The following FBN1 variants were observed in gnomAD, a reference collection of about 807,000 sequenced individuals.
FBN1 encodes the protein fibrillin-1.
A neutral mutation model predicts 365.1 loss-of-function variants in FBN1; 29 were observed. The observed-to-expected ratio is 0.08, with a 90% CI of 0.06 to 0.11. FBN1 has a LOEUF of 0.11. Among genes scored for constraint, FBN1 ranks in the 10% least tolerant of loss-of-function variants. The pLI is 1.00. For synonymous variants in FBN1, 1,210 were observed against 1,270.5 expected (o/e 0.95, Z 1.01); for missense variants, 2,476 against 3,703.2 (o/e 0.67, Z 8.60).
intron 13 of FBN1, among the ~76,000 whole-genome samples, chr15:48,510,699 T>C (rs2043752224): frequency 6.6e-6 from 1 of 152,178 alleles, no homozygotes; most frequent in Non-Finnish European, 1.5e-5. Context: ...TTCTTAGTCT[T>C]TTAAAAAACA....
At chr15:48,580,313 A>G (rs1048886814) in intron 6 of FBN1, among the ~76,000 whole-genome samples, 1 of 152,194 alleles carries the variant, frequency 6.6e-6, no homozygotes, top group Admixed American at 6.5e-5. Context: ...TCCTAGCACT[A>G]TGAAACACGT....
At chr15:48,437,463 G>A (rs1361083300) in intron 51 of FBN1, 76 bp from the exon 52 acceptor site, 1 of 1,272,874 alleles carries the variant, frequency 7.9e-7, no homozygotes, top group Admixed American at 1.7e-5. Context: ...TTTTGAGGTA[G>A]AAAATTGCTA....
intron 10 of FBN1, among the ~76,000 whole-genome samples, chr15:48,518,120 G>A (rs914357302): frequency 5.9e-5 from 9 of 152,144 alleles, no homozygotes; most frequent in Non-Finnish European, 8.8e-5. Flanking sequence ...AGATACTGAC[G>A]TACTTGAATG....
At chr15:48,629,821 C>T (rs1348265941) in intron 2 of FBN1, among the ~76,000 whole-genome samples, 1 of 152,216 alleles carries the variant, frequency 6.6e-6, no homozygotes, top group African/African-American at 2.4e-5. Flanking sequence ...CCTAGTCCAT[C>T]CTGATATCCA....
At chr15:48,590,419 C>T (rs530786557) in intron 6 of FBN1, among the ~76,000 whole-genome samples, 16 of 152,326 alleles carry the variant, frequency 1.1e-4, no homozygotes, top group African/African-American at 3.8e-4. Context: ...AGTATAGATG[C>T]TGCCTTTTTG....
intron 8 of FBN1, among the ~76,000 whole-genome samples, chr15:48,531,725 C>T (rs919790133): frequency 1.3e-5 from 2 of 152,118 alleles, no homozygotes; most frequent in South Asian, 2.1e-4. Flanking sequence ...AAAGTGAACC[C>T]GGCTTGCCAA....
intron 14 of FBN1, 119 bp downstream of exon 14, chr15:48,509,924 TA>T: frequency 9.1e-7 from 1 of 1,094,142 alleles, no homozygotes; most frequent in Middle Eastern, 2.1e-4. Context: ...CCTTTTGAGA[TA>T]AAATATATAA....
At position 48,502,019 on chromosome 15, in the gene FBN1, T is replaced by C. The variant is rs118190358; in HGVS notation, c.2113+1768A>G. The stretch of plus-strand genomic sequence containing the variant: ...AGCAGTTTTTTTCTTTAAATAGGCA[T>C]CCCTCATTTCCTTTTTCTTTCTTTA... On this transcript the variant is annotated intron_variant, in intron 17 of 65. Coordinates refer to ENST00000316623, the MANE Select transcript of FBN1 (RefSeq NM_000138.5). 3.8e-3 allele frequency among the ~76,000 whole-genome samples: 575 copies of C among 152,146 alleles called. 1 individual carries two copies. Among genetic ancestry groups the C allele is most frequent in the Non-Finnish European group, 6.3e-3 (431 of 67,988 alleles).
At chr15:48,577,921 G>A (rs2044361479) in intron 6 of FBN1, among the ~76,000 whole-genome samples, 1 of 152,072 alleles carries the variant, frequency 6.6e-6, no homozygotes, top group Non-Finnish European at 1.5e-5. Context: ...GTCTTCAGCT[G>A]GCACCACATG....
chr15:48,510,306 T>A lies in FBN1; in HGVS notation c.1589-137A>T, dbSNP rs1052159237. 9.8e-6 allele frequency: 8 copies of A among 816,426 alleles called. No homozygotes were observed. The African/African-American group carries it at 1.4e-4, about 14-fold the overall frequency. 50.6% of individuals were successfully genotyped at this position (816,426 alleles called of 1,614,324 possible). On this transcript the variant is annotated intron_variant, in intron 13 of 65. Coordinates refer to ENST00000316623, the MANE Select transcript of FBN1 (RefSeq NM_000138.5). ...ACTTAATAATATTCTCCAACATAAA[T>A]TGGTTATCAAATAATGTGATATTTA... is the stretch of plus-strand genomic sequence containing the variant.
chr15:48,549,691 A>G (rs532116501), intron 6 of FBN1, among the ~76,000 whole-genome samples: 1 of 152,310 alleles, frequency 6.6e-6, no homozygotes, highest in Admixed American at 6.5e-5. Context: ...CAGAAAAGGT[A>G]ATAATCCCCT....
chr15:48,468,054 T>C lies in FBN1; in HGVS notation c.4631A>G (p.Asn1544Ser), dbSNP rs755735706. ...CYLDIRPRGD[N>S]GDTACSNEIG... ...TTCATTGCTGCAGGCTGTATCTCCA[T>C]TGTCTCCTCGAGGTCGAATATCCAA... The change falls in exon 38 of 66, where the codon AAT (asparagine) becomes AGT (serine). Residue 1544 changes from asparagine to serine, a missense_variant. Transcript: ENST00000316623. The C allele has an allele frequency of 1.9e-6, 3 of 1,614,190 alleles. No individual in the cohort carries two copies. The highest frequency in any genetic ancestry group is 3.3e-5 in the Admixed American group (2 of 60,028).
intron 2 of FBN1, among the ~76,000 whole-genome samples, chr15:48,616,939 A>T (rs1170117815): frequency 6.6e-6 from 1 of 152,212 alleles, no homozygotes; most frequent in East Asian, 1.9e-4. Context: ...AAGAAGGTCA[A>T]ACAACCTGGC....
chr15:48,580,102 A>G (rs1014536992), intron 6 of FBN1, among the ~76,000 whole-genome samples: 4 of 151,708 alleles, frequency 2.6e-5, no homozygotes, highest in South Asian at 4.2e-4. Context: ...TCTTAGTTTC[A>G]TTTTCTTTTC....
chr15:48,551,657 C>G (rs911478940), intron 6 of FBN1, among the ~76,000 whole-genome samples: 1 of 152,098 alleles, frequency 6.6e-6, no homozygotes, highest in African/African-American at 2.4e-5. Flanking sequence ...TTTCCCTAAT[C>G]CTCTCCCTTC....
In FBN1 at chr15:48,644,616, C is replaced by A; in HGVS notation, c.154G>T (p.Ala52Ser). The change falls in exon 2 of 66, where the codon GCG (alanine) becomes TCG (serine). Residue 52 changes from alanine to serine, a missense_variant. Ala to Ser is a moderately conservative substitution (Grantham distance 99). Around this residue, in one of 5 missense-constraint regions of FBN1, gnomAD observed 76 missense variants for 85.4 expected, o/e 0.89. Transcript: ENST00000316623. ...AACCGGTTCCTTTACCCTTTAAGCG[C>A]GTCGTGTCCTCCACCGCCTCTTCTC... ...AKRRGGGGHD[A>S]LKGPNVCGSR... The A allele has an allele frequency of 6.2e-7, 1 of 1,614,180 alleles. No homozygotes were observed. The highest frequency in any genetic ancestry group is 8.5e-7 in the Non-Finnish European group (1 of 1,180,020).
At chr15:48,412,531 C>CAA in intron 65 of FBN1, 38 bp downstream of exon 65, 1 of 1,610,450 alleles carries the variant, frequency 6.2e-7, no homozygotes, top group Non-Finnish European at 8.5e-7. Context: ...GGGCTTTCCA[C>CAA]CACAGGAGAC....
rs73394279 is a variant in FBN1 at position 48,601,847 on chromosome 15, A to G, written c.347-1613T>C. 7.6e-3 allele frequency among the ~76,000 whole-genome samples: 1,153 copies of G among 152,264 alleles called. 14 individuals are homozygous for G. Among genetic ancestry groups the G allele is most frequent in the African/African-American group, 0.027 (1,108 of 41,534 alleles). ...TTTTCAACAACATGCCACACACTGA[A>G]ACACCATCAAAGGCCTGTTTCTACT... On this transcript the variant is annotated intron_variant, in intron 4 of 65. Transcript: ENST00000316623.
At chr15:48,637,061 C>A (rs1244836332) in intron 2 of FBN1, among the ~76,000 whole-genome samples, 3 of 152,168 alleles carry the variant, frequency 2.0e-5, no homozygotes, top group Non-Finnish European at 2.9e-5. Flanking sequence ...TGGGAGCATT[C>A]TAGGTCCTCC....
Sources: allele counts gnomAD v4.1 joint callset (sites outside exome capture counted in the v4.1 genomes callset), GRCh38; gene constraint gnomAD v4.1.1; regional missense constraint gnomAD v4.1.1; transcripts MANE v1.5; gene names NCBI Gene and HGNC (gene_info 2026-07-23, HGNC 2026-07-21).